Variants in PDE4D observed in about 807,000 individuals in gnomAD.
PDE4D encodes phosphodiesterase 4D.
Under a neutral mutation model 87.4 loss-of-function variants are expected in PDE4D, and 24 were observed. The observed-to-expected ratio is 0.27, with a 90% CI of 0.20 to 0.39. PDE4D has a LOEUF of 0.39. Ranked by LOEUF, PDE4D falls within the 10% of genes least tolerant of loss-of-function variation. The pLI, the probability that PDE4D is intolerant of heterozygous loss-of-function variation, is 1.00. For synonymous variants in PDE4D, 384 were observed against 383.2 expected (o/e 1.00, Z -0.02); for missense variants, 714 against 1,041.0 (o/e 0.69, Z 4.32).
intron 1 of PDE4D, among the ~76,000 whole-genome samples, chr5:60,270,325 C>A (rs1750683986): frequency 6.6e-6 from 1 of 152,136 alleles, no homozygotes; most frequent in African/African-American, 2.4e-5. Flanking sequence ...GACAAGGGAA[C>A]CCGTTGGTGT....
In PDE4D at chr5:59,649,905, C is replaced by CTTTTTTTTTTTTTTTTTTT. The variant is rs1156467369; in HGVS notation, c.455+243244_455+243262dup. Among the ~76,000 whole-genome samples, 245 of 72,426 alleles carry CTTTTTTTTTTTTTTTTTTT rather than the reference C, an allele frequency of 3.4e-3. 10 individuals carry two copies. Among genetic ancestry groups the CTTTTTTTTTTTTTTTTTTT allele is most frequent in the Non-Finnish European group, 4.0e-3 (170 of 42,166 alleles). 47.5% of individuals were successfully genotyped at this position (72,426 alleles called of 152,430 possible). A position where few individuals can be genotyped will look rare whatever the true frequency, so the allele number is the denominator to read the frequency against. ...GTTAAAATGTTGATAGTTTGTGAAC[C>CTTTTTTTTTTTTTTTTTTT]TTTTTTTTTTTTTTTTTTTTTTTTT... On this transcript the variant is annotated intron_variant, in intron 1 of 14. Coordinates refer to ENST00000340635, the MANE Select transcript of PDE4D (RefSeq NM_001104631.2).
chr5:59,236,625 C>G (rs17528223), intron 1 of PDE4D, among the ~76,000 whole-genome samples: 2 of 152,102 alleles, frequency 1.3e-5, no homozygotes, highest in African/African-American at 2.4e-5. Flanking sequence ...TGTGCTTACT[C>G]GGGAGCGGGA....
At chr5:60,149,267 C>T (rs142037949) in intron 2 of PDE4D, among the ~76,000 whole-genome samples, 1 of 152,254 alleles carries the variant, frequency 6.6e-6, no homozygotes, top group East Asian at 1.9e-4. Context: ...AGGCCAAGAG[C>T]ATGGTATCAG....
At chr5:60,330,624 C>T (rs993210173) in intron 1 of PDE4D, among the ~76,000 whole-genome samples, 1 of 152,130 alleles carries the variant, frequency 6.6e-6, no homozygotes, top group Non-Finnish European at 1.5e-5. Context: ...AGGGACCCTG[C>T]CAATCAACTC....
intron 1 of PDE4D, among the ~76,000 whole-genome samples, chr5:60,500,049 C>T (rs969806849): frequency 6.6e-6 from 1 of 151,842 alleles, no homozygotes; most frequent in African/African-American, 2.4e-5. Flanking sequence ...TGGCTCATAC[C>T]TCTAATCCCA....
At chr5:60,090,915 T>C (rs908713795) in intron 2 of PDE4D, among the ~76,000 whole-genome samples, 2 of 151,894 alleles carry the variant, frequency 1.3e-5, no homozygotes, top group Non-Finnish European at 2.9e-5. Flanking sequence ...AAGAAAGTAA[T>C]CCCATTTACA....
At chr5:60,258,864 G>GA (rs1011723080) in intron 1 of PDE4D, among the ~76,000 whole-genome samples, 1 of 151,648 alleles carries the variant, frequency 6.6e-6, no homozygotes, top group African/African-American at 2.4e-5. Context: ...AGTTTCAAAT[G>GA]AAAAAAATCA....
At chr5:59,562,967 T>C (rs544408051) in intron 1 of PDE4D, among the ~76,000 whole-genome samples, 80 of 152,324 alleles carry the variant, frequency 5.3e-4, no homozygotes, top group African/African-American at 1.7e-3. Flanking sequence ...AGAGGCTCTG[T>C]CTCACTTCCT....
chr5:59,270,338 G>A (rs10041021), intron 1 of PDE4D, among the ~76,000 whole-genome samples: 33,506 of 152,048 alleles, frequency 0.22, 3,829 homozygotes, highest in Middle Eastern at 0.28. Context: ...TTCTAAGATA[G>A]AAGAAATAGG....
At chr5:60,323,980 G>A (rs1756545428) in intron 1 of PDE4D, among the ~76,000 whole-genome samples, 4 of 152,070 alleles carry the variant, frequency 2.6e-5, no homozygotes, top group Admixed American at 2.6e-4. Context: ...GTAGCACCAT[G>A]TGTCTGTCTT....
At chr5:60,397,483 GCAA>G (rs1161126726) in intron 1 of PDE4D, among the ~76,000 whole-genome samples, 2 of 152,224 alleles carry the variant, frequency 1.3e-5, no homozygotes, top group African/African-American at 4.8e-5. Flanking sequence ...CATGTCATGT[GCAA>G]CAACATTACT....
chr5:60,493,862 ACACCCTCCT>A (rs1749669036), intron 1 of PDE4D, among the ~76,000 whole-genome samples: 1 of 152,130 alleles, frequency 6.6e-6, no homozygotes, highest in Non-Finnish European at 1.5e-5. Flanking sequence ...AAAGGTGGTT[ACACCCTCCT>A]GAGTAAATTA....
At chr5:60,333,850 G>A (rs943632517) in intron 1 of PDE4D, among the ~76,000 whole-genome samples, 6 of 152,258 alleles carry the variant, frequency 3.9e-5, no homozygotes, top group Non-Finnish European at 8.8e-5. Flanking sequence ...GGTTGAAAGA[G>A]AAGAGGGAAA....
intron 1 of PDE4D, among the ~76,000 whole-genome samples, chr5:59,387,923 C>T (rs1020942299): frequency 3.9e-5 from 6 of 151,958 alleles, no homozygotes; most frequent in Non-Finnish European, 8.8e-5. Context: ...ATTTTGTGTC[C>T]TTTGACTAAC....
intron 1 of PDE4D, among the ~76,000 whole-genome samples, chr5:59,494,491 C>T (rs1056200995): frequency 9.2e-5 from 14 of 152,078 alleles, no homozygotes; most frequent in Non-Finnish European, 2.1e-4. Flanking sequence ...CAAAAAACAC[C>T]TAGAAATTTA....
intron 1 of PDE4D, among the ~76,000 whole-genome samples, chr5:60,426,609 A>G (rs1055055246): frequency 1.3e-5 from 2 of 152,298 alleles, no homozygotes; most frequent in African/African-American, 4.8e-5. Flanking sequence ...GAAGCAAACC[A>G]ACATGGCACA....
chr5:59,552,980 T>C (rs1322023254), intron 1 of PDE4D, among the ~76,000 whole-genome samples: 1 of 152,218 alleles, frequency 6.6e-6, no homozygotes, highest in East Asian at 1.9e-4. Flanking sequence ...ATACTATTTG[T>C]TCCTTAAAAG....
At chr5:60,286,449 T>C (rs1338045439) in intron 1 of PDE4D, among the ~76,000 whole-genome samples, 1 of 152,158 alleles carries the variant, frequency 6.6e-6, no homozygotes, top group Non-Finnish European at 1.5e-5. Context: ...TTACATAGAA[T>C]AAAACATCAT....
chr5:59,122,876 C>A (rs188053928), intron 5 of PDE4D, among the ~76,000 whole-genome samples: 1 of 152,212 alleles, frequency 6.6e-6, no homozygotes, highest in East Asian at 1.9e-4. Context: ...GTATGGGAAG[C>A]CTTCATTTCG....
Sources: allele counts gnomAD v4.1 joint callset (sites outside exome capture counted in the v4.1 genomes callset), GRCh38; gene constraint gnomAD v4.1.1; transcripts MANE v1.5; gene names NCBI Gene and HGNC (gene_info 2026-07-23, HGNC 2026-07-21).